Variants in FSTL4 observed in about 807,000 individuals in gnomAD.
The protein encoded by FSTL4 is follistatin-related protein 4.
Under a neutral mutation model 78.2 loss-of-function variants are expected in FSTL4, and 28 were observed. The ratio of observed to expected loss-of-function variants is 0.36; its 90% confidence interval spans 0.27 to 0.49. FSTL4 has a LOEUF of 0.49. Among genes scored for constraint, FSTL4 ranks in the 20% least tolerant of loss-of-function variants. The probability of loss-of-function intolerance (pLI) is 0.98; values close to 1 mark genes in which losing one functional copy is unlikely to be tolerated. For missense variants in FSTL4, 922 were observed against 1,084.9 expected (o/e 0.85, Z 2.11); for synonymous variants, 422 against 440.5 (o/e 0.96, Z 0.53).
At chr5:133,289,118 A>G (rs774346429) in intron 6 of FSTL4, among the ~76,000 whole-genome samples, 3 of 152,204 alleles carry the variant, frequency 2.0e-5, no homozygotes, top group African/African-American at 4.8e-5. Flanking sequence ...GAACTGGGAT[A>G]ACAGTGGGAA....
chr5:133,687,214 G>C, the FSTL4 span, among the ~76,000 whole-genome samples: 7,435 of 70,304 alleles, frequency 0.11, 244 homozygotes, highest in East Asian at 0.3. Flanking sequence ...GGCTAAATAG[G>C]GGGGGCATGG....
At chr5:133,741,405 C>G in the FSTL4 span, among the ~76,000 whole-genome samples, 2 of 152,202 alleles carry the variant, frequency 1.3e-5, no homozygotes, top group Admixed American at 1.3e-4. Flanking sequence ...AGTGGCCTGG[C>G]CTTTTGTGCC....
intron 3 of FSTL4, among the ~76,000 whole-genome samples, chr5:133,475,307 GCTCTGCAGTAATAGTT>G (rs1757906794): frequency 6.6e-6 from 1 of 152,178 alleles, no homozygotes; most frequent in Admixed American, 6.5e-5. Context: ...ATTGAAAAGG[GCTCTGCAGTAATAGTT>G]CAACCTCAAT....
intron 13 of FSTL4, 56 bp downstream of exon 13, chr5:133,217,171 ATG>A: frequency 6.9e-7 from 1 of 1,452,048 alleles, no homozygotes; most frequent in African/African-American, 1.4e-5. Flanking sequence ...GCAAAGAAGA[ATG>A]TGGCAGGCTG....
the FSTL4 span, among the ~76,000 whole-genome samples, chr5:133,672,898 T>C: frequency 6.6e-6 from 1 of 152,238 alleles, no homozygotes; most frequent in South Asian, 2.1e-4. Context: ...CCTGACGACA[T>C]GTGCCCAAGA....
At chr5:133,378,741 A>T (rs2126950940) in intron 4 of FSTL4, among the ~76,000 whole-genome samples, 1 of 152,264 alleles carries the variant, frequency 6.6e-6, no homozygotes, top group African/African-American at 2.4e-5. Flanking sequence ...GGTAAACCCC[A>T]GAAAAATCAC....
the FSTL4 span, among the ~76,000 whole-genome samples, chr5:133,671,272 A>C: frequency 6.6e-6 from 1 of 152,090 alleles, no homozygotes; most frequent in Non-Finnish European, 1.5e-5. Flanking sequence ...TAAATTGTCA[A>C]ACTGCAAACA....
At chr5:133,736,626 C>T in the FSTL4 span, among the ~76,000 whole-genome samples, 31 of 152,116 alleles carry the variant, frequency 2.0e-4, no homozygotes, top group African/African-American at 7.0e-4. Flanking sequence ...AGAGACACCA[C>T]GGGTCTGTGA....
At chr5:133,330,292 A>G (rs969050863) in intron 4 of FSTL4, among the ~76,000 whole-genome samples, 1 of 152,224 alleles carries the variant, frequency 6.6e-6, no homozygotes, top group African/African-American at 2.4e-5. Flanking sequence ...ATTTATAAGA[A>G]AAGAATTGGC....
intron 11 of FSTL4, among the ~76,000 whole-genome samples, chr5:133,221,753 CCTGT>C (rs1484909231): frequency 6.6e-6 from 1 of 151,956 alleles, no homozygotes; most frequent in African/African-American, 2.4e-5. Flanking sequence ...CTTCCCTCTC[CCTGT>C]CTTTCTGTCT....
the FSTL4 span, among the ~76,000 whole-genome samples, chr5:133,716,361 CAGTTTATATA>C: frequency 6.7e-6 from 1 of 149,726 alleles, no homozygotes; most frequent in African/African-American, 2.5e-5. Flanking sequence ...TGTGCCTCAT[CAGTTTATATA>C]AGTTTATATA....
chr5:133,275,295 C>T (rs956893215), intron 6 of FSTL4, among the ~76,000 whole-genome samples: 2 of 151,942 alleles, frequency 1.3e-5, no homozygotes, highest in Non-Finnish European at 2.9e-5. Context: ...CACAGTGGCT[C>T]ATGCCTATAA....
At chr5:133,206,312 C>T (rs1356102524) in intron 14 of FSTL4, among the ~76,000 whole-genome samples, 4 of 152,180 alleles carry the variant, frequency 2.6e-5, no homozygotes, top group Non-Finnish European at 5.9e-5. Context: ...AGCATTCACT[C>T]ATTTCCTCTA....
At position 133,198,808 on chromosome 5, in the gene FSTL4, G is replaced by A. The variant is rs1052375844; in HGVS notation, c.*287C>T. 3.6e-6 allele frequency: 1 copy of A among 278,686 alleles called. No individual in the cohort carries two copies. The highest frequency in any genetic ancestry group is 6.7e-6 in the Non-Finnish European group (1 of 148,800). 17.3% of individuals were successfully genotyped at this position (278,686 alleles called of 1,614,324 possible). A position where few individuals can be genotyped will look rare whatever the true frequency, so the allele number is the denominator to read the frequency against. On this transcript the variant is annotated 3_prime_UTR_variant, in exon 16 of 16. Coordinates refer to ENST00000265342, the MANE Select transcript of FSTL4 (RefSeq NM_015082.2). ...GAGCAGGATCCCTTGGTTCCATGAT[G>A]TCCCCAGGTCACTCGGTGTGCAGCT...
chr5:133,484,090 A>G (rs1307775319), intron 3 of FSTL4, among the ~76,000 whole-genome samples: 1 of 152,170 alleles, frequency 6.6e-6, no homozygotes, highest in East Asian at 1.9e-4. Flanking sequence ...CCTAAGTAGG[A>G]GGTCCATATA....
intron 4 of FSTL4, among the ~76,000 whole-genome samples, chr5:133,373,331 T>G (rs1259011350): frequency 6.6e-6 from 1 of 152,100 alleles, no homozygotes; most frequent in Non-Finnish European, 1.5e-5. Context: ...AGGTGGGCGG[T>G]CAGCACCTTG....
intron 4 of FSTL4, among the ~76,000 whole-genome samples, chr5:133,377,775 A>C (rs1399167321): frequency 6.6e-6 from 1 of 152,224 alleles, no homozygotes; most frequent in African/African-American, 2.4e-5. Context: ...TTGATTAAAA[A>C]ATTAATCAGT....
the FSTL4 span, among the ~76,000 whole-genome samples, chr5:133,817,575 A>G: frequency 3.3e-4 from 50 of 152,342 alleles, no homozygotes; most frequent in Admixed American, 2.9e-3. Flanking sequence ...AGCTGGCAGC[A>G]TGGAGGAAGG....
chr5:133,640,238 A>G, the FSTL4 span, among the ~76,000 whole-genome samples: 2 of 152,210 alleles, frequency 1.3e-5, no homozygotes. Flanking sequence ...CTTGGTCACA[A>G]ATCCACCCGG....
Sources: gnomAD v4.1 joint callset for allele counts (sites outside exome capture counted in the v4.1 genomes callset) on GRCh38, gnomAD v4.1.1 for gene constraint, MANE v1.5 for transcripts, NCBI Gene and HGNC (gene_info 2026-07-23, HGNC 2026-07-21) for gene names.